Variants in PDE8A observed in about 807,000 individuals in gnomAD.
PDE8A encodes phosphodiesterase 8A, also known as high affinity cAMP-specific and IBMX-insensitive 3',5'-cyclic phosphodiesterase 8A.
PDE8A carries 59 observed loss-of-function variants against 105.0 expected under a neutral mutation model. The ratio of observed to expected loss-of-function variants is 0.56; its 90% CI spans 0.46 to 0.70. PDE8A has a LOEUF of 0.70. Among genes scored for constraint, PDE8A ranks in the 30% least tolerant of loss-of-function variants. The pLI is 0.00. For missense variants in PDE8A, 1,014 were observed against 1,045.9 expected (o/e 0.97, Z 0.42); for synonymous variants, 355 against 371.9 (o/e 0.95, Z 0.52).
chr15:85,137,364 C>T (rs1259275443), intron 21 of PDE8A, among the ~76,000 whole-genome samples: 3 of 151,848 alleles, frequency 2.0e-5, no homozygotes, highest in African/African-American at 4.8e-5. Context: ...CCCCAGGCTG[C>T]ACGTTCTTCA....
At chr15:85,132,890 G>A (rs1484362040) in intron 20 of PDE8A, among the ~76,000 whole-genome samples, 2 of 152,040 alleles carry the variant, frequency 1.3e-5, no homozygotes, top group Non-Finnish European at 2.9e-5. Context: ...ATTTAAGACA[G>A]TTGTTTTCAA....
chr15:85,051,825 T>A (rs183657050), intron 1 of PDE8A, among the ~76,000 whole-genome samples: 233 of 152,308 alleles, frequency 1.5e-3, no homozygotes, highest in African/African-American at 5.5e-3. Flanking sequence ...CATGGCTTTT[T>A]AAAATTATTA....
intron 1 of PDE8A, among the ~76,000 whole-genome samples, chr15:85,042,463 G>C (rs1169494534): frequency 6.6e-6 from 1 of 152,162 alleles, no homozygotes; most frequent in African/African-American, 2.4e-5. Context: ...CCAGCCAAGA[G>C]ATGGTTTTAA....
chr15:85,043,383 G>A (rs1054853907), intron 1 of PDE8A, among the ~76,000 whole-genome samples: 3 of 152,138 alleles, frequency 2.0e-5, no homozygotes, highest in African/African-American at 7.2e-5. Flanking sequence ...AGGGTGGAGG[G>A]AAGAGGTAGA....
chr15:85,117,399 A>C (rs928139485), intron 16 of PDE8A, among the ~76,000 whole-genome samples: 16 of 152,160 alleles, frequency 1.1e-4, no homozygotes, highest in African/African-American at 3.9e-4. Context: ...GGGAGCCCCA[A>C]CGAGGCTGAG....
Position 85,031,058 on chromosome 15 carries a change from A to G in PDE8A, c.187-33312A>G, listed in dbSNP as rs571716272. ...TAAATGTTGAAATGAATAAATGACA[A>G]TTTTACATCTAAACCTGCTGATTAA... On this transcript the variant is annotated intron_variant, in intron 1 of 21. Transcript: ENST00000394553. 6.6e-5 allele frequency among the ~76,000 whole-genome samples: 10 copies of G among 152,356 alleles called. No individual in the cohort carries two copies. In the South Asian group the frequency reaches 2.1e-3, roughly 32 times the overall value.
chr15:85,126,455 C>G, intron 20 of PDE8A, 81 bp downstream of exon 20: 1 of 1,052,530 alleles, frequency 9.5e-7, no homozygotes, highest in South Asian at 3.5e-5. Context: ...GGACTTAACA[C>G]TAGGAAATAG....
chr15:85,016,030 G>A (rs2080319580), intron 1 of PDE8A, among the ~76,000 whole-genome samples: 1 of 152,116 alleles, frequency 6.6e-6, no homozygotes, highest in Admixed American at 6.5e-5. Flanking sequence ...CAGCTACTTG[G>A]GAGGCTGAGG....
At chr15:85,127,948 A>G (rs759364221) in intron 20 of PDE8A, among the ~76,000 whole-genome samples, 1 of 151,606 alleles carries the variant, frequency 6.6e-6, no homozygotes, top group African/African-American at 2.4e-5. Context: ...AAGTACAACC[A>G]TGGGACAGAA....
chr15:85,117,980 G>T, intron 17 of PDE8A, 141 bp downstream of exon 17: 1 of 717,118 alleles, frequency 1.4e-6, no homozygotes, highest in East Asian at 2.5e-5. Context: ...CGAGGAATCA[G>T]GCAGGAGGCC....
At chr15:85,032,133 A>G (rs1338049886) in intron 1 of PDE8A, among the ~76,000 whole-genome samples, 2 of 152,364 alleles carry the variant, frequency 1.3e-5, no homozygotes, top group East Asian at 3.9e-4. Flanking sequence ...GTGTTTGTAT[A>G]GCTCTAAGTC....
intron 5 of PDE8A, among the ~76,000 whole-genome samples, chr15:85,079,650 C>T (rs1387723432): frequency 1.3e-5 from 2 of 152,314 alleles, no homozygotes; most frequent in East Asian, 1.9e-4. Context: ...CGGTGGCTCA[C>T]GCCTGTAATC....
At chr15:85,053,179 T>A (rs56767687) in intron 1 of PDE8A, among the ~76,000 whole-genome samples, 34,509 of 152,130 alleles carry the variant, frequency 0.23, 4,086 homozygotes, top group East Asian at 0.38. Flanking sequence ...CATTGGTCTA[T>A]ATCTCTGTTT....
At chr15:85,135,912 A>G (rs2082402161) in intron 20 of PDE8A, among the ~76,000 whole-genome samples, 1 of 152,166 alleles carries the variant, frequency 6.6e-6, no homozygotes, top group African/African-American at 2.4e-5. Context: ...ACCTTTTCAA[A>G]AAAATAATTT....
rs192663352 is a variant in PDE8A at position 85,073,185 on chromosome 15, T to C, written c.435-2677T>C. ...GCTTTCAGAATCTCATTCTACAGGA[T>C]CGCACTCCATCTTTTTCGTGACCTT... On this transcript the variant is annotated intron_variant, in intron 3 of 21. Transcript: ENST00000394553. Among the ~76,000 whole-genome samples the C allele has an allele frequency of 3.9e-5, 6 of 152,326 alleles. No individual in the cohort carries two copies. The East Asian group carries it at 9.6e-4, about 24-fold the overall frequency.
intron 15 of PDE8A, 176 bp from the exon 16 acceptor site, chr15:85,115,808 T>C (rs2082087060): frequency 5.1e-6 from 3 of 592,570 alleles, no homozygotes; most frequent in Non-Finnish European, 8.8e-6. Context: ...GTAATCCCAC[T>C]ACTCAGGAGG....
At chr15:85,066,131 T>G (rs1205927805) in intron 2 of PDE8A, among the ~76,000 whole-genome samples, 1 of 152,230 alleles carries the variant, frequency 6.6e-6, no homozygotes, top group African/African-American at 2.4e-5. Context: ...GATATTAGCA[T>G]TCACCATCTG....
chr15:85,134,193 T>G (rs1281727010), intron 20 of PDE8A, among the ~76,000 whole-genome samples: 1 of 152,166 alleles, frequency 6.6e-6, no homozygotes, highest in Non-Finnish European at 1.5e-5. Flanking sequence ...GCCAGCTGCT[T>G]ACATGTGAAT....
intron 3 of PDE8A, among the ~76,000 whole-genome samples, chr15:85,068,947 T>C (rs1219758722): frequency 6.6e-6 from 1 of 152,240 alleles, no homozygotes; most frequent in Non-Finnish European, 1.5e-5. Context: ...AAATGTACTA[T>C]TGCTGTACAT....
Sources: gnomAD v4.1 joint callset for allele counts (sites outside exome capture counted in the v4.1 genomes callset) on GRCh38, gnomAD v4.1.1 for gene constraint, MANE v1.5 for transcripts, NCBI Gene and HGNC (gene_info 2026-07-23, HGNC 2026-07-21) for gene names.